Variants in BTAF1 observed in about 807,000 individuals in gnomAD.
The protein encoded by BTAF1 is TATA-binding protein-associated factor 172.
BTAF1 carries 38 observed loss-of-function variants against 227.1 expected under a neutral mutation model. The observed-to-expected ratio is 0.17, with a 90% CI of 0.13 to 0.22. BTAF1 has a LOEUF of 0.22. Among genes scored for constraint, BTAF1 ranks in the 10% least tolerant of loss-of-function variants. The pLI is 1.00. For synonymous variants in BTAF1, 742 were observed against 751.9 expected (o/e 0.99, Z 0.21); for missense variants, 1,598 against 2,204.0 (o/e 0.73, Z 5.51).
chr10:91,973,568 C>T (rs1255161408), intron 14 of BTAF1, among the ~76,000 whole-genome samples: 1 of 152,180 alleles, frequency 6.6e-6, no homozygotes, highest in Non-Finnish European at 1.5e-5. Context: ...GTGGCTACTG[C>T]CATTCCTGTT....
intron 20 of BTAF1, among the ~76,000 whole-genome samples, chr10:91,991,832 T>TATATATATATATATATATAC (rs1466556430): frequency 5.3e-4 from 6 of 11,282 alleles, no homozygotes; most frequent in African/African-American, 7.8e-4. Flanking sequence ...TATATATATA[T>TATATATATATATATATATAC]ACACACATAT....
intron 13 of BTAF1, 98 bp from the exon 14 acceptor site, chr10:91,966,539 G>T: frequency 8.0e-7 from 1 of 1,255,826 alleles, no homozygotes. Context: ...AAAGTCACAT[G>T]GTGTCAGCAT....
At position 91,959,732 on chromosome 10, in the gene BTAF1, GTGTGTGTGTATATATATA is replaced by G. The variant is rs1234927552; in HGVS notation, c.991-51_991-34del. On this transcript the variant is annotated intron_variant, in intron 9 of 37. Transcript: ENST00000265990. ...ATGTTAAAAAAATGTGTGTGTGTGT[GTGTGTGTGTATATATATA>G]TATATATATATATATATATATTATA... The G allele has an allele frequency of 1.2e-5, 5 of 419,236 alleles. No homozygotes were observed. The African/African-American group carries it at 1.7e-4, about 14-fold the overall frequency. 26.0% of individuals were successfully genotyped at this position (419,236 alleles called of 1,614,324 possible).
chr10:91,976,645 A>G (rs1231433735), intron 14 of BTAF1, among the ~76,000 whole-genome samples: 1 of 152,180 alleles, frequency 6.6e-6, no homozygotes, highest in African/African-American at 2.4e-5. Flanking sequence ...GTTTCTTTTT[A>G]AGACCCTGGA....
rs1844965096 is a variant in BTAF1 at position 91,941,125 on chromosome 10, T to C, written c.253+1059T>C. 2.0e-5 allele frequency among the ~76,000 whole-genome samples: 3 copies of C among 152,256 alleles called. No homozygotes were observed. In the South Asian group the frequency reaches 6.2e-4, roughly 32 times the overall value. ...TATTTTGTTAATTTGTCTTCTCTCA[T>C]TAAATGAAATGTGTGACTAGAGAAG... On this transcript the variant is annotated intron_variant, in intron 3 of 37. Coordinates refer to ENST00000265990, the MANE Select transcript of BTAF1 (RefSeq NM_003972.3).
intron 6 of BTAF1, among the ~76,000 whole-genome samples, 200 bp from the exon 7 acceptor site, chr10:91,956,328 C>T (rs985815268): frequency 6.6e-5 from 10 of 152,110 alleles, no homozygotes; most frequent in African/African-American, 2.4e-4. Flanking sequence ...ATATATTTTG[C>T]TCAAAAAATT....
intron 6 of BTAF1, 101 bp downstream of exon 6, chr10:91,953,974 T>C (rs2133868620): frequency 2.1e-6 from 3 of 1,459,154 alleles, no homozygotes; most frequent in African/African-American, 1.4e-5. Context: ...CATATTTAGC[T>C]GGGGAGTACT....
intron 35 of BTAF1, among the ~76,000 whole-genome samples, chr10:92,025,698 T>A (rs1395648859): frequency 6.6e-6 from 1 of 151,328 alleles, no homozygotes; most frequent in African/African-American, 2.4e-5. Context: ...TCCCAGCTAC[T>A]CTGGAGGCTG....
chr10:91,954,432 G>GT (rs1277565960), intron 6 of BTAF1, among the ~76,000 whole-genome samples: 3 of 152,000 alleles, frequency 2.0e-5, no homozygotes, highest in African/African-American at 7.2e-5. Flanking sequence ...ACTGTCCTCT[G>GT]TTTCTTCATA....
At chr10:91,945,600 T>C (rs1383528132) in intron 4 of BTAF1, among the ~76,000 whole-genome samples, 2 of 152,230 alleles carry the variant, frequency 1.3e-5, no homozygotes, top group Non-Finnish European at 2.9e-5. Context: ...TTCATCTGTG[T>C]TGTAGTATGG....
Position 92,024,742 on chromosome 10 carries a change from T to TTTTTTTTTC in BTAF1, c.4864-10_4864-9insTTTTCTTTT. 6.3e-7 allele frequency: 1 copy of TTTTTTTTTC among 1,576,676 alleles called. No homozygotes were observed. Among genetic ancestry groups the TTTTTTTTTC allele is most frequent in the Non-Finnish European group, 8.6e-7 (1 of 1,169,576 alleles). ...TTGAACGCTTATGTAGTTTTTTTTT[T>TTTTTTTTTC]TTTTCTTCCTAAGTTGCTGTTGGAC... On this transcript the variant is annotated splice_polypyrimidine_tract_variant and intron_variant, in intron 34 of 37. Transcript: ENST00000265990.
Position 92,013,924 on chromosome 10 carries a change from C to T in BTAF1, c.4479C>T (p.His1493=). ...GTGTTCTTGCTATGGATGCGCTGCA[C>T]CGCCAAGTACTACCGTTTCTTTTGA... ...EAGVLAMDAL[H]RQVLPFLLRR... Residue 1493 remains histidine, a synonymous_variant, in exon 32 of 38, where the codon CAC becomes CAT. Coordinates refer to ENST00000265990, the MANE Select transcript of BTAF1 (RefSeq NM_003972.3). 1 of 1,613,864 alleles carries T rather than the reference C, an allele frequency of 6.2e-7. No homozygotes were observed. Among genetic ancestry groups the T allele is most frequent in the Non-Finnish European group, 8.5e-7 (1 of 1,179,990 alleles).
At position 91,993,588 on chromosome 10, in the gene BTAF1, A is replaced by G. The variant is rs1025736680; in HGVS notation, c.3046-106A>G. ...AATAATTGCTTACTTGGTTAATGAT[A>G]ACATTATGAATTCTTAGATGGTGAC... On this transcript the variant is annotated intron_variant, in intron 21 of 37. Transcript: ENST00000265990. 12 of 877,994 alleles carry G rather than the reference A, an allele frequency of 1.4e-5. No homozygotes were observed. In the African/African-American group the frequency reaches 2.1e-4, roughly 15 times the overall value. The allele number at this position is 877,994 out of a possible 1,614,324, so 54.4% of individuals were successfully genotyped here.
In BTAF1 at chr10:92,028,761, T is replaced by TTA. The variant is rs564079218; in HGVS notation, c.5407-28_5407-27insAT. On this transcript the variant is annotated intron_variant, in intron 37 of 37. Transcript: ENST00000265990. ...TTGTGAAGTTAACCTCTCATTTTAT[T>TTA]TTTTTTTTTTTTGCCAATTTTTCTT... The TTA allele has an allele frequency of 1.3e-3, 1,703 of 1,350,510 alleles. 4 individuals are homozygous for TTA. The highest frequency in any genetic ancestry group is 7.4e-3 in the East Asian group (286 of 38,620). 83.7% of individuals were successfully genotyped at this position (1,350,510 alleles called of 1,614,324 possible). A position where few individuals can be genotyped will look rare whatever the true frequency, so the allele number is the denominator to read the frequency against.
chr10:92,027,033 G>T, intron 36 of BTAF1, 97 bp from the exon 37 acceptor site: 2 of 1,253,102 alleles, frequency 1.6e-6, no homozygotes, highest in Non-Finnish European at 1.1e-6. Context: ...ACCCTAATTA[G>T]GTAGTATAAA....
At chr10:92,004,244 A>G (rs553922217) in intron 25 of BTAF1, among the ~76,000 whole-genome samples, 4 of 152,066 alleles carry the variant, frequency 2.6e-5, no homozygotes, top group Admixed American at 2.0e-4. Flanking sequence ...ATGCAGTCCT[A>G]TTTGTCTATA....
rs1850537014 is a variant in BTAF1, at chr10:92,014,004, A to T, written c.4559A>T (p.Tyr1520Phe). Residue 1520 changes from tyrosine to phenylalanine, a missense_variant, in exon 32 of 38, where the codon TAT (tyrosine) becomes TTT (phenylalanine). By Grantham distance (22) the Tyr-to-Phe change is conservative (BLOSUM62 3). Transcript: ENST00000265990. ...QDLPPKIIQD[Y>F]YCTLSPLQVQ... ...CTTCCACCTAAAATTATTCAAGACTATTATTGTACTCTTAGTCCTCTCCAG... is the reference window on the plus strand; with the variant it reads ...CTTCCACCTAAAATTATTCAAGACTTTTATTGTACTCTTAGTCCTCTCCAG... The T allele has an allele frequency of 6.2e-7, 1 of 1,613,008 alleles. No homozygotes were observed. Among genetic ancestry groups the T allele is most frequent in the African/African-American group, 1.3e-5 (1 of 74,864 alleles).
chr10:91,926,639 A>T (rs1843852492), intron 1 of BTAF1, among the ~76,000 whole-genome samples: 1 of 152,100 alleles, frequency 6.6e-6, no homozygotes, highest in Non-Finnish European at 1.5e-5. Flanking sequence ...GAAAATACAC[A>T]CTCAACCCTA....
intron 35 of BTAF1, among the ~76,000 whole-genome samples, chr10:92,025,822 A>C (rs917316382): frequency 4.0e-5 from 6 of 151,282 alleles, no homozygotes; most frequent in Admixed American, 1.3e-4. Flanking sequence ...AAAAAAAAAA[A>C]AAAAAAAAAA....
Sources: allele counts gnomAD v4.1 joint callset (sites outside exome capture counted in the v4.1 genomes callset), GRCh38; gene constraint gnomAD v4.1.1; transcripts MANE v1.5; gene names NCBI Gene and HGNC (gene_info 2026-07-23, HGNC 2026-07-21).